Variants in EXT1 observed in about 807,000 individuals in gnomAD.
The protein encoded by EXT1 is exostosin glycosyltransferase 1.
A neutral mutation model predicts 82.5 loss-of-function variants in EXT1; 20 were observed. The ratio of observed to expected loss-of-function variants is 0.24; its 90% CI spans 0.17 to 0.35. EXT1 has a LOEUF of 0.35. Ranked by LOEUF, EXT1 falls within the 10% of genes least tolerant of loss-of-function variation. The probability of loss-of-function intolerance (pLI) is 1.00; values close to 1 mark genes in which losing one functional copy is unlikely to be tolerated. For missense variants in EXT1, 757 were observed against 936.5 expected (o/e 0.81, Z 2.50); for synonymous variants, 348 against 350.8 (o/e 0.99, Z 0.09).
At chr8:117,877,687 A>G (rs140469543) in intron 1 of EXT1, among the ~76,000 whole-genome samples, 276 of 152,320 alleles carry the variant, frequency 1.8e-3, no homozygotes, top group African/African-American at 6.1e-3. Context: ...GTGGAAATAT[A>G]GCAGCCCCTC....
rs1222448496 is a variant in EXT1 at position 117,830,324 on chromosome 8, T to C, written c.1190A>G (p.His397Arg). 6.2e-7 allele frequency: 1 copy of C among 1,614,064 alleles called. No homozygotes were observed. The highest frequency in any genetic ancestry group is 1.7e-5 in the Admixed American group (1 of 60,032). Reference protein sequence around the residue: ...LQIPSTIRSIHQDKILALRQQ... With the variant: ...LQIPSTIRSIRQDKILALRQQ... ...TCTAAGTGCTAGGATTTTATCCTGATGAATAGACCTGATTGTAGAAGGAAT... is the reference window on the plus strand; with the variant it reads ...TCTAAGTGCTAGGATTTTATCCTGACGAATAGACCTGATTGTAGAAGGAAT... Residue 397 changes from histidine to arginine, a missense_variant, in exon 4 of 11, where the codon CAT becomes CGT. Physicochemically the swap from His to Arg is conservative, Grantham distance 29. Transcript: ENST00000378204.
chr8:118,046,803 G>A (rs986199113), intron 1 of EXT1, among the ~76,000 whole-genome samples: 1 of 152,202 alleles, frequency 6.6e-6, no homozygotes, highest in African/African-American at 2.4e-5. Flanking sequence ...CCTCCAGGAA[G>A]TATAATGGAA....
At chr8:117,955,084 A>G (rs1814561262) in intron 1 of EXT1, among the ~76,000 whole-genome samples, 1 of 152,206 alleles carries the variant, frequency 6.6e-6, no homozygotes, top group South Asian at 2.1e-4. Context: ...CTGATTTATT[A>G]AAAAGGACAT....
intron 1 of EXT1, among the ~76,000 whole-genome samples, chr8:118,084,588 T>C (rs971155974): frequency 2.0e-5 from 3 of 152,214 alleles, no homozygotes; most frequent in African/African-American, 7.2e-5. Context: ...AAAACCCAAA[T>C]GCCCAGAGCC....
At chr8:117,819,550 A>G (rs1230162325) in intron 6 of EXT1, 126 bp downstream of exon 6, 18 of 803,464 alleles carry the variant, frequency 2.2e-5, no homozygotes, top group Middle Eastern at 3.5e-4. Context: ...GAAAGGGAGT[A>G]GCAGGGTATG....
chr8:117,844,120 G>C (rs1812314758), intron 1 of EXT1, among the ~76,000 whole-genome samples: 1 of 118,544 alleles, frequency 8.4e-6, no homozygotes. Context: ...AGGTTTAACA[G>C]TTTAAAATTT....
intron 1 of EXT1, among the ~76,000 whole-genome samples, chr8:118,059,193 G>A (rs1423750548): frequency 6.6e-6 from 1 of 152,150 alleles, no homozygotes; most frequent in Non-Finnish European, 1.5e-5. Context: ...GGGCAACAGG[G>A]GAGAGTAGCC....
At chr8:118,104,701 TC>T (rs1243391716) in intron 1 of EXT1, among the ~76,000 whole-genome samples, 1 of 152,190 alleles carries the variant, frequency 6.6e-6, no homozygotes, top group Non-Finnish European at 1.5e-5. Flanking sequence ...GAGTTGGACA[TC>T]CCTAATTCAA....
intron 1 of EXT1, among the ~76,000 whole-genome samples, chr8:117,992,152 T>C (rs867314636): frequency 6.6e-6 from 1 of 152,084 alleles, no homozygotes; most frequent in Non-Finnish European, 1.5e-5. Context: ...TCCTCCTTTC[T>C]CTGGAGTTTT....
chr8:117,919,729 C>T (rs1365697337), intron 1 of EXT1, among the ~76,000 whole-genome samples: 3 of 152,070 alleles, frequency 2.0e-5, no homozygotes, highest in Non-Finnish European at 4.4e-5. Context: ...GGTCTTAACT[C>T]CTGGGTTCAA....
chr8:117,904,539 C>A (rs1813508101), intron 1 of EXT1, among the ~76,000 whole-genome samples: 1 of 152,084 alleles, frequency 6.6e-6, no homozygotes, highest in Non-Finnish European at 1.5e-5. Context: ...ATCATAGGAG[C>A]CGGTACTTTG....
At chr8:118,088,222 G>C (rs1817458609) in intron 1 of EXT1, among the ~76,000 whole-genome samples, 1 of 152,204 alleles carries the variant, frequency 6.6e-6, no homozygotes, top group African/African-American at 2.4e-5. Flanking sequence ...CCATGGACAT[G>C]TTAAACTTGG....
chr8:118,041,708 A>G (rs1460804829), intron 1 of EXT1, among the ~76,000 whole-genome samples: 5 of 151,252 alleles, frequency 3.3e-5, no homozygotes, highest in African/African-American at 1.2e-4. Context: ...GAAGGAAGGA[A>G]GGAAGGAAGG....
At chr8:117,852,088 A>G (rs1021696965) in intron 1 of EXT1, among the ~76,000 whole-genome samples, 3 of 152,234 alleles carry the variant, frequency 2.0e-5, no homozygotes, top group African/African-American at 7.2e-5. Flanking sequence ...AAGTAGCATT[A>G]TATCTCCCAT....
chr8:117,840,823 A>G (rs928346016), intron 1 of EXT1, among the ~76,000 whole-genome samples: 1 of 152,218 alleles, frequency 6.6e-6, no homozygotes. Context: ...TTCAACATCA[A>G]TAGTCACTAG....
At chr8:117,838,425 T>C (rs548173731) in intron 1 of EXT1, among the ~76,000 whole-genome samples, 1 of 152,172 alleles carries the variant, frequency 6.6e-6, no homozygotes, top group Non-Finnish European at 1.5e-5. Context: ...CAATTTTCAA[T>C]TATAAACCCG....
At chr8:118,079,889 G>T (rs1817280469) in intron 1 of EXT1, among the ~76,000 whole-genome samples, 1 of 152,180 alleles carries the variant, frequency 6.6e-6, no homozygotes, top group Non-Finnish European at 1.5e-5. Context: ...TAGAAAGAAA[G>T]AAGTGGCTAA....
At chr8:117,851,108 T>C (rs981502301) in intron 1 of EXT1, among the ~76,000 whole-genome samples, 2 of 152,138 alleles carry the variant, frequency 1.3e-5, no homozygotes, top group Non-Finnish European at 2.9e-5. Context: ...ACAACACTTG[T>C]GCTTTCTGTA....
rs1160700131 is a variant in EXT1, at chr8:117,850,850, GCT to G, written c.963-13651_963-13650del. Among the ~76,000 whole-genome samples, 5 of 152,146 alleles carry G rather than the reference GCT, an allele frequency of 3.3e-5. No individual in the cohort carries two copies. The East Asian group carries it at 9.6e-4, about 29-fold the overall frequency. ...GGCAGCCTCAGGACCCTGCCTGCAG[GCT>G]TCCAAAACACCCCAAGGGTAGACCA... On this transcript the variant is annotated intron_variant, in intron 1 of 10. Transcript: ENST00000378204.
Sources: gnomAD v4.1 joint callset for allele counts (sites outside exome capture counted in the v4.1 genomes callset) on GRCh38, gnomAD v4.1.1 for gene constraint, MANE v1.5 for transcripts, NCBI Gene and HGNC (gene_info 2026-07-23, HGNC 2026-07-21) for gene names.